The following FSTL4 variants were observed in gnomAD, a reference collection of about 807,000 sequenced individuals.
FSTL4 encodes follistatin-related protein 4.
FSTL4 carries 28 observed loss-of-function variants against 78.2 expected under a neutral mutation model. That is an observed-to-expected ratio of 0.36 (90% CI 0.27 to 0.49). FSTL4 has a LOEUF of 0.49. Among genes scored for constraint, FSTL4 ranks in the 20% least tolerant of loss-of-function variants. FSTL4 has a pLI of 0.98. For missense variants in FSTL4, 922 were observed against 1,084.9 expected (o/e 0.85, Z 2.11); for synonymous variants, 422 against 440.5 (o/e 0.96, Z 0.53).
chr5:133,416,631 G>A (rs10452539), intron 3 of FSTL4, among the ~76,000 whole-genome samples: 14,035 of 152,238 alleles, frequency 0.092, 811 homozygotes, highest in Admixed American at 0.18. Flanking sequence ...AACATTACCA[G>A]TGGTGTCACC....
intron 3 of FSTL4, among the ~76,000 whole-genome samples, chr5:133,446,041 G>C (rs985524800): frequency 1.3e-5 from 2 of 152,178 alleles, no homozygotes; most frequent in African/African-American, 4.8e-5. Context: ...ATTGATTGTA[G>C]GGTATAAAAA....
chr5:133,735,212 C>T, the FSTL4 span, among the ~76,000 whole-genome samples: 1 of 152,204 alleles, frequency 6.6e-6, no homozygotes, highest in Non-Finnish European at 1.5e-5. Flanking sequence ...CGCCTGTAAT[C>T]CCAACACTTT....
At chr5:133,730,849 GAAAC>G in the FSTL4 span, among the ~76,000 whole-genome samples, 1 of 152,214 alleles carries the variant, frequency 6.6e-6, no homozygotes, top group African/African-American at 2.4e-5. Flanking sequence ...GGCAGAAAGT[GAAAC>G]AAACAAACAA....
At chr5:133,648,929 T>C in the FSTL4 span, among the ~76,000 whole-genome samples, 1 of 152,210 alleles carries the variant, frequency 6.6e-6, no homozygotes, top group Non-Finnish European at 1.5e-5. Context: ...GTACATTCTA[T>C]GTGTTCAGAC....
chr5:133,672,697 G>A, the FSTL4 span, among the ~76,000 whole-genome samples: 3 of 152,216 alleles, frequency 2.0e-5, no homozygotes, highest in Admixed American at 2.0e-4. Flanking sequence ...GTCAAGAAAG[G>A]AGGTTGTTCC....
rs1302722069 is a variant in FSTL4 at position 133,236,038 on chromosome 5, G to A, written c.895-2501C>T. On this transcript the variant is annotated intron_variant, in intron 7 of 15. Transcript: ENST00000265342. The surrounding 1 kb of genome is among the most constrained non-coding windows in gnomAD (Gnocchi z 5.0). ...AAACTCCTCAGCGTCCCAGTTGGTG[G>A]GTCCCAGGGCAGACACCATCCGAGA... Among the ~76,000 whole-genome samples, 3 of 152,112 alleles carry A rather than the reference G, an allele frequency of 2.0e-5. No individual in the cohort carries two copies. The highest frequency in any genetic ancestry group is 7.2e-5 in the African/African-American group (3 of 41,416).
intron 3 of FSTL4, among the ~76,000 whole-genome samples, chr5:133,416,411 A>C (rs1756582413): frequency 1.3e-5 from 2 of 152,240 alleles, no homozygotes; most frequent in South Asian, 2.1e-4. Context: ...TTCATTTGGC[A>C]ATCACAGTAC....
intron 6 of FSTL4, among the ~76,000 whole-genome samples, chr5:133,262,552 A>G (rs1561648414): frequency 6.6e-6 from 1 of 152,112 alleles, no homozygotes; most frequent in Non-Finnish European, 1.5e-5. Context: ...TACTTGGCCA[A>G]CCACATTCAG....
At chr5:133,794,080 C>T in the FSTL4 span, among the ~76,000 whole-genome samples, 13 of 152,154 alleles carry the variant, frequency 8.5e-5, no homozygotes, top group Admixed American at 2.6e-4. Context: ...TGTGTATGCA[C>T]GCCCTTGAAC....
the FSTL4 span, among the ~76,000 whole-genome samples, chr5:133,697,334 C>A: frequency 6.6e-6 from 1 of 152,134 alleles, no homozygotes; most frequent in East Asian, 1.9e-4. Context: ...ATTCAGCGCC[C>A]ACTCTCCAGA....
chr5:133,503,975 G>C (rs551081066), intron 3 of FSTL4, among the ~76,000 whole-genome samples: 1 of 152,152 alleles, frequency 6.6e-6, no homozygotes, highest in Non-Finnish European at 1.5e-5. Flanking sequence ...AATGGTGGGA[G>C]GAATGAGAAG....
At chr5:133,594,072 G>T (rs1024487785) in intron 2 of FSTL4, among the ~76,000 whole-genome samples, 34 of 152,174 alleles carry the variant, frequency 2.2e-4, no homozygotes, top group Admixed American at 5.9e-4. Context: ...GCCAGCCCAG[G>T]GCTCAGAGAC....
Position 133,316,516 on chromosome 5 carries a change from C to T in FSTL4, c.546G>A (p.Leu182=). 6.2e-7 allele frequency: 1 copy of T among 1,614,176 alleles called. No individual in the cohort carries two copies. The part of the protein sequence containing the change: ...ASQKRLLVES[L]FRDLDADGNG... Reference sequence around the variant, plus strand: ...TGCCATCTGCATCTAAGTCCCTGAACAGAGATTCCACCAGGAGGCGCTTCT... The same window carrying T: ...TGCCATCTGCATCTAAGTCCCTGAATAGAGATTCCACCAGGAGGCGCTTCT... The change falls in exon 5 of 16, where the codon CTG becomes CTA. Residue 182 remains leucine (L), a synonymous_variant. Coordinates refer to ENST00000265342, the MANE Select transcript of FSTL4 (RefSeq NM_015082.2).
chr5:133,681,610 G>A, the FSTL4 span, among the ~76,000 whole-genome samples: 1 of 152,198 alleles, frequency 6.6e-6, no homozygotes, highest in Non-Finnish European at 1.5e-5. Flanking sequence ...ATAATGTGAT[G>A]TACTTGACTT....
the FSTL4 span, among the ~76,000 whole-genome samples, chr5:133,755,403 GACAGGAT>G: frequency 6.6e-6 from 1 of 152,146 alleles, no homozygotes; most frequent in African/African-American, 2.4e-5. Context: ...ACCTGCTATA[GACAGGAT>G]ACCACCATTA....
Position 133,314,745 on chromosome 5 carries a change from T to C in FSTL4, c.603+1714A>G, listed in dbSNP as rs535295439. On this transcript the variant is annotated intron_variant, in intron 5 of 15. Transcript: ENST00000265342. Reference sequence around the variant, plus strand: ...GAGCCTCAGTATCCTCATCTGAAAATATCTGTGAAGTGGAATAATAGTCGT... The same window carrying C: ...GAGCCTCAGTATCCTCATCTGAAAACATCTGTGAAGTGGAATAATAGTCGT... Among the ~76,000 whole-genome samples the C allele has an allele frequency of 2.0e-5, 3 of 151,980 alleles. No homozygotes were observed. The South Asian group carries it at 6.2e-4, about 32-fold the overall frequency.
chr5:133,528,128 C>T (rs1358566713), intron 3 of FSTL4, among the ~76,000 whole-genome samples: 2 of 152,142 alleles, frequency 1.3e-5, no homozygotes, highest in African/African-American at 4.8e-5. Flanking sequence ...TGCCATGTCC[C>T]CTCTTGCTGT....
rs373298480 is a variant in FSTL4, at chr5:133,426,856, G to A, written c.161-25870C>T. On this transcript the variant is annotated intron_variant, in intron 3 of 15. Transcript: ENST00000265342. This position sits in a 1 kb window ranked among gnomAD's most constrained non-coding sequence, Gnocchi z 5.0. Reference sequence around the variant, plus strand: ...CCAGGCTAAAATGTTTCCTTTTTCCGAAAGTCAGCACAAGTTCTGGGAGGA... The same window carrying A: ...CCAGGCTAAAATGTTTCCTTTTTCCAAAAGTCAGCACAAGTTCTGGGAGGA... 1.3e-5 allele frequency among the ~76,000 whole-genome samples: 2 copies of A among 152,138 alleles called. No individual in the cohort carries two copies. The highest frequency in any genetic ancestry group is 2.9e-5 in the Non-Finnish European group (2 of 68,032).
chr5:133,727,012 T>C, the FSTL4 span, among the ~76,000 whole-genome samples: 1 of 152,198 alleles, frequency 6.6e-6, no homozygotes, highest in Admixed American at 6.5e-5. Context: ...GTATTAACTA[T>C]GCATTGGAAA....
Sources: gnomAD v4.1 joint callset for allele counts (sites outside exome capture counted in the v4.1 genomes callset) on GRCh38, gnomAD v4.1.1 for gene constraint, Gnocchi (gnomAD v3.1) non-coding constraint, MANE v1.5 for transcripts, NCBI Gene and HGNC (gene_info 2026-07-23, HGNC 2026-07-21) for gene names.